Variants in RCOR3 observed in about 807,000 individuals in gnomAD.
The protein encoded by RCOR3 is REST corepressor 3.
A neutral mutation model predicts 64.1 loss-of-function variants in RCOR3; 13 were observed. The ratio of observed to expected loss-of-function variants is 0.20; its 90% CI spans 0.13 to 0.32. The LOEUF (loss-of-function observed/expected upper bound fraction) is 0.32, where lower values mean the gene tolerates loss of function less well. Among genes scored for constraint, RCOR3 ranks in the 10% least tolerant of loss-of-function variants. The pLI, the probability that RCOR3 is intolerant of heterozygous loss-of-function variation, is 1.00. For synonymous variants in RCOR3, 215 were observed against 239.0 expected (o/e 0.90, Z 0.93); for missense variants, 489 against 701.2 (o/e 0.70, Z 3.42).
chr1:211,269,778 A>G (rs1695835106), intron 2 of RCOR3, among the ~76,000 whole-genome samples: 2 of 152,094 alleles, frequency 1.3e-5, no homozygotes, highest in South Asian at 4.1e-4. Context: ...TTCTTAATTT[A>G]TATGAAGTTT....
chr1:211,266,144 A>G (rs1695151445), intron 2 of RCOR3, among the ~76,000 whole-genome samples: 1 of 152,174 alleles, frequency 6.6e-6, no homozygotes, highest in Non-Finnish European at 1.5e-5. Flanking sequence ...GTACCCTGGG[A>G]AAGTCTTTGT....
At chr1:211,270,695 T>C (rs996455918) in intron 2 of RCOR3, among the ~76,000 whole-genome samples, 12 of 152,202 alleles carry the variant, frequency 7.9e-5, no homozygotes, top group African/African-American at 1.4e-4. Flanking sequence ...AAGTCTTTTT[T>C]AGTTTAAAAG....
chr1:211,300,718 GAGAA>G (rs1700289768), intron 9 of RCOR3, among the ~76,000 whole-genome samples: 1 of 152,172 alleles, frequency 6.6e-6, no homozygotes, highest in South Asian at 2.1e-4. Context: ...AAATAAAAGA[GAGAA>G]AGAATATTTA....
chr1:211,260,010 C>T lies in RCOR3; in HGVS notation c.167-98C>T. 4.8e-6 allele frequency: 6 copies of T among 1,243,330 alleles called. No homozygotes were observed. The South Asian group carries it at 1.0e-4, about 21-fold the overall frequency. The allele number at this position is 1,243,330 out of a possible 1,614,324, so 77.0% of individuals were successfully genotyped here. A position where few individuals can be genotyped will look rare whatever the true frequency, so the allele number is the denominator to read the frequency against. ...CTTCCCATCCACCCGCCGCTTCTTTCCTCCATCTAGCGATTTTTATTTTTT... is the reference window on the plus strand; with the variant it reads ...CTTCCCATCCACCCGCCGCTTCTTTTCTCCATCTAGCGATTTTTATTTTTT... On this transcript the variant is annotated intron_variant, in intron 1 of 11. Transcript: ENST00000419091.
chr1:211,309,143 A>G (rs1217098908), intron 10 of RCOR3, among the ~76,000 whole-genome samples: 1 of 151,372 alleles, frequency 6.6e-6, no homozygotes, highest in Non-Finnish European at 1.5e-5. Context: ...GAAATACCAC[A>G]TAAATTCTCC....
intron 2 of RCOR3, among the ~76,000 whole-genome samples, chr1:211,266,032 A>C (rs1055534821): frequency 3.3e-5 from 5 of 152,280 alleles, no homozygotes; most frequent in Admixed American, 1.3e-4. Context: ...ACCTCTTATC[A>C]TTTGACCGCA....
chr1:211,286,637 A>G (rs557862685), intron 7 of RCOR3, among the ~76,000 whole-genome samples: 1 of 152,154 alleles, frequency 6.6e-6, no homozygotes, highest in South Asian at 2.1e-4. Context: ...TTCTTATTGT[A>G]TACTCTGAAA....
chr1:211,303,798 A>C (rs970099440), intron 9 of RCOR3: 2 of 205,540 alleles, frequency 9.7e-6, no homozygotes, highest in African/African-American at 4.7e-5. Flanking sequence ...CCCGTTGGGA[A>C]ATGGGAAACT....
chr1:211,283,711 C>T (rs1374242522), intron 7 of RCOR3, among the ~76,000 whole-genome samples: 3 of 152,064 alleles, frequency 2.0e-5, no homozygotes, highest in African/African-American at 7.2e-5. Flanking sequence ...GTTGTGTGAT[C>T]ATAGCCACTG....
chr1:211,265,916 T>C (rs1321378409), intron 2 of RCOR3, among the ~76,000 whole-genome samples: 1 of 152,112 alleles, frequency 6.6e-6, no homozygotes, highest in Non-Finnish European at 1.5e-5. Flanking sequence ...TTTTGGGCCA[T>C]GTACTCTTGT....
chr1:211,260,042 C>A, intron 1 of RCOR3, 66 bp from the exon 2 acceptor site: 1 of 1,306,328 alleles, frequency 7.7e-7, no homozygotes, highest in South Asian at 1.4e-5. Flanking sequence ...TTTTAAGTGT[C>A]TCTTCCTTTT....
chr1:211,311,377 G>T (rs1223433252), intron 10 of RCOR3, among the ~76,000 whole-genome samples: 1 of 152,078 alleles, frequency 6.6e-6, no homozygotes, highest in East Asian at 1.9e-4. Context: ...ATAATTAGAG[G>T]ATAATAATGT....
intron 2 of RCOR3, among the ~76,000 whole-genome samples, chr1:211,268,441 G>A (rs1254962386): frequency 8.0e-6 from 1 of 125,570 alleles, no homozygotes; most frequent in Non-Finnish European, 1.6e-5. Context: ...GTGCAATGGT[G>A]TGATCTCGGC....
chr1:211,285,256 A>G (rs1698372294), intron 7 of RCOR3, among the ~76,000 whole-genome samples: 1 of 152,206 alleles, frequency 6.6e-6, no homozygotes, highest in Non-Finnish European at 1.5e-5. Flanking sequence ...CTGATCGTAA[A>G]GAGAATCGTT....
chr1:211,311,229 T>G (rs949264838), intron 10 of RCOR3, among the ~76,000 whole-genome samples: 3 of 152,168 alleles, frequency 2.0e-5, no homozygotes, highest in African/African-American at 7.2e-5. Context: ...AAAGGGAGTA[T>G]AAATTCATTT....
intron 10 of RCOR3, among the ~76,000 whole-genome samples, chr1:211,307,226 C>A (rs948075432): frequency 6.6e-6 from 1 of 152,074 alleles, no homozygotes; most frequent in South Asian, 2.1e-4. Context: ...TGGTGGCTCA[C>A]GCCTGTAATC....
intron 2 of RCOR3, chr1:211,261,024 C>T (rs1694169861): frequency 6.6e-6 from 1 of 152,236 alleles, no homozygotes; most frequent in Non-Finnish European, 1.5e-5. Flanking sequence ...GAGTGGAGCG[C>T]GTTTCCTTCT....
intron 10 of RCOR3, among the ~76,000 whole-genome samples, chr1:211,310,144 T>C (rs956567473): frequency 3.3e-5 from 5 of 152,198 alleles, no homozygotes; most frequent in Non-Finnish European, 1.5e-5. Flanking sequence ...AGTGCTGCTT[T>C]GTATTTTCTA....
chr1:211,312,539 C>A lies in RCOR3; in HGVS notation c.1076-181C>A. 1.5e-6 allele frequency: 1 copy of A among 652,506 alleles called. No individual in the cohort carries two copies. The allele number at this position is 652,506 out of a possible 1,614,324, so 40.4% of individuals were successfully genotyped here. On this transcript the variant is annotated intron_variant, in intron 10 of 11. Transcript: ENST00000419091. This position sits in a 1 kb window ranked among gnomAD's most constrained non-coding sequence, Gnocchi z 5.0. ...GCAAGTGGCTGGCTCGATGAAATGA[C>A]ATAACTGATAGTTTTCATCTGTGAC...
Sources: allele counts gnomAD v4.1 joint callset (sites outside exome capture counted in the v4.1 genomes callset), GRCh38; gene constraint gnomAD v4.1.1; non-coding constraint Gnocchi (gnomAD v3.1); transcripts MANE v1.5; gene names NCBI Gene and HGNC (gene_info 2026-07-23, HGNC 2026-07-21).